ULK4: variants seen among roughly 807,000 people sequenced by gnomAD.
ULK4 encodes the protein unc-51 like kinase 4.
A neutral mutation model predicts 160.6 loss-of-function variants in ULK4; 133 were observed. The observed-to-expected ratio is 0.83, with a 90% CI of 0.72 to 0.96. ULK4 has a LOEUF of 0.96. ULK4 is among the 40% of genes least tolerant of loss of function. The pLI, the probability that ULK4 is intolerant of heterozygous loss-of-function variation, is 0.00. For missense variants in ULK4, 1,580 were observed against 1,499.5 expected (o/e 1.05, Z -0.89); for synonymous variants, 534 against 539.8 (o/e 0.99, Z 0.15).
chr3:41,807,468 A>C (rs1422711997), intron 19 of ULK4, among the ~76,000 whole-genome samples: 2 of 152,190 alleles, frequency 1.3e-5, no homozygotes, highest in African/African-American at 4.8e-5. Flanking sequence ...GATATTGAGT[A>C]ATGTCTAAGT....
chr3:41,303,732 G>C lies in ULK4; in HGVS notation c.3679-54158C>G, dbSNP rs75946144. Among the ~76,000 whole-genome samples, 49 of 152,216 alleles carry C rather than the reference G, an allele frequency of 3.2e-4. 1 individual carries two copies. In the East Asian group the frequency reaches 7.5e-3, roughly 23 times the overall value. The stretch of plus-strand genomic sequence containing the variant: ...CTGACATGCTCAAGTCTGTAATTCA[G>C]GGTCACCTTGGGTAGCATGCCCTGG... On this transcript the variant is annotated intron_variant, in intron 35 of 36. Coordinates refer to ENST00000301831, the MANE Select transcript of ULK4 (RefSeq NM_017886.4).
chr3:41,632,005 C>T (rs760231990), intron 30 of ULK4, among the ~76,000 whole-genome samples: 2 of 152,192 alleles, frequency 1.3e-5, no homozygotes. Context: ...CTCTGAACCT[C>T]GTCGCTCTGC....
At chr3:41,565,445 T>C (rs1390341) in intron 32 of ULK4, among the ~76,000 whole-genome samples, 148,703 of 152,310 alleles carry the variant, frequency 0.98, 72,610 homozygotes, top group Admixed American at 0.99. Context: ...GGAAATCCAA[T>C]TATGGTATTT....
At chr3:41,654,119 C>T (rs1354344242) in intron 30 of ULK4, among the ~76,000 whole-genome samples, 1 of 152,114 alleles carries the variant, frequency 6.6e-6, no homozygotes. Flanking sequence ...GGCTGGAGTC[C>T]AACAGACACA....
chr3:41,650,288 A>G (rs545966898), intron 30 of ULK4, among the ~76,000 whole-genome samples: 1 of 152,288 alleles, frequency 6.6e-6, no homozygotes, highest in East Asian at 1.9e-4. Context: ...TATAACACAA[A>G]CAGGGCTGAA....
chr3:41,530,129 G>A (rs1381960830), intron 32 of ULK4, among the ~76,000 whole-genome samples: 3 of 152,166 alleles, frequency 2.0e-5, no homozygotes, highest in Non-Finnish European at 4.4e-5. Context: ...TACGATATGT[G>A]AAGTATATCT....
chr3:41,453,032 G>C (rs1053252302), intron 34 of ULK4, among the ~76,000 whole-genome samples: 2 of 152,156 alleles, frequency 1.3e-5, no homozygotes, highest in African/African-American at 4.8e-5. Context: ...TCCTTTGTAA[G>C]CTTTGGGGTA....
At chr3:41,402,342 T>C (rs1297880002) in intron 34 of ULK4, among the ~76,000 whole-genome samples, 2 of 152,168 alleles carry the variant, frequency 1.3e-5, no homozygotes, top group Non-Finnish European at 2.9e-5. Context: ...GGGTATTCCT[T>C]TTATTTCTTT....
intron 6 of ULK4, among the ~76,000 whole-genome samples, chr3:41,918,802 C>T (rs1437683719): frequency 2.0e-5 from 3 of 151,886 alleles, no homozygotes; most frequent in Non-Finnish European, 4.4e-5. Flanking sequence ...GGGGTTTCAC[C>T]GTGTTAGCCA....
intron 31 of ULK4, among the ~76,000 whole-genome samples, chr3:41,592,578 AAAT>A (rs2125647803): frequency 1.3e-5 from 2 of 152,340 alleles, no homozygotes; most frequent in African/African-American, 4.8e-5. Context: ...AAATTTTTTT[AAAT>A]AACAATAAAA....
At chr3:41,448,367 G>GA (rs1463424023) in intron 34 of ULK4, among the ~76,000 whole-genome samples, 1 of 152,134 alleles carries the variant, frequency 6.6e-6, no homozygotes, top group African/African-American at 2.4e-5. Context: ...AGGAGAATGA[G>GA]CTAAGGGAAA....
rs182228535 is a variant in ULK4 at position 41,639,082 on chromosome 3, A to C, written c.3072-23365T>G. ...GGAACTGACTCTCTCATACTTCAGA[A>C]AGTACACTGATCACATCAGGAGATT... On this transcript the variant is annotated intron_variant, in intron 30 of 36. Transcript: ENST00000301831. Among the ~76,000 whole-genome samples, 219 of 152,336 alleles carry C rather than the reference A, an allele frequency of 1.4e-3. 1 individual carries two copies. Among genetic ancestry groups the C allele is most frequent in the Middle Eastern group, 3.4e-3 (1 of 294 alleles).
intron 34 of ULK4, among the ~76,000 whole-genome samples, chr3:41,444,574 AT>A (rs1410358966): frequency 1.3e-5 from 2 of 152,162 alleles, no homozygotes; most frequent in African/African-American, 2.4e-5. Context: ...TAACCTTGAG[AT>A]TTGGTTATTA....
chr3:41,466,353 T>C (rs2083834125), intron 32 of ULK4, among the ~76,000 whole-genome samples: 5 of 152,088 alleles, frequency 3.3e-5, no homozygotes, highest in Admixed American at 3.3e-4. Flanking sequence ...TTCATACAGA[T>C]ATTTCTAATG....
intron 35 of ULK4, among the ~76,000 whole-genome samples, chr3:41,274,321 G>A (rs746889196): frequency 3.3e-4 from 50 of 152,066 alleles, no homozygotes; most frequent in Admixed American, 7.9e-4. Flanking sequence ...ATATTTCCAG[G>A]TTTCACTTTT....
At chr3:41,291,619 A>C (rs917043653) in intron 35 of ULK4, among the ~76,000 whole-genome samples, 5 of 152,172 alleles carry the variant, frequency 3.3e-5, no homozygotes, top group African/African-American at 1.2e-4. Context: ...ATGGATAAGC[A>C]AACTATGTTA....
chr3:41,339,060 G>C (rs1360041425), intron 35 of ULK4, among the ~76,000 whole-genome samples: 1 of 151,870 alleles, frequency 6.6e-6, no homozygotes, highest in Non-Finnish European at 1.5e-5. Flanking sequence ...CAGAAATCAT[G>C]TTTAGCCAGC....
intron 2 of ULK4, among the ~76,000 whole-genome samples, chr3:41,945,912 G>A (rs566792751): frequency 6.8e-4 from 104 of 152,090 alleles, no homozygotes; most frequent in African/African-American, 2.3e-3. Flanking sequence ...GACCAAAAAC[G>A]ATCATCTGTA....
intron 5 of ULK4, among the ~76,000 whole-genome samples, chr3:41,931,524 C>G (rs1484208253): frequency 6.6e-6 from 1 of 150,472 alleles, no homozygotes; most frequent in African/African-American, 2.4e-5. Context: ...ATATCATTCA[C>G]TCAACTAATT....
Sources: allele counts gnomAD v4.1 joint callset (sites outside exome capture counted in the v4.1 genomes callset), GRCh38; gene constraint gnomAD v4.1.1; transcripts MANE v1.5; gene names NCBI Gene and HGNC (gene_info 2026-07-23, HGNC 2026-07-21).